The following SELP variants were observed in gnomAD, a reference collection of about 807,000 sequenced individuals.
SELP encodes selectin P.
SELP carries 92 observed loss-of-function variants against 104.1 expected under a neutral mutation model. The observed-to-expected ratio is 0.88, with a 90% confidence interval of 0.75 to 1.05. SELP has a LOEUF of 1.05. SELP is among the 50% of genes least tolerant of loss of function. The pLI is 0.00. For missense variants in SELP, 1,022 were observed against 1,017.3 expected (o/e 1.00, Z -0.06); for synonymous variants, 397 against 364.5 (o/e 1.09, Z -1.01).
In SELP at chr1:169,616,955, T is replaced by TCTCCG; in HGVS notation, c.481+72_481+73insCGGAG. 1.3e-5 allele frequency: 17 copies of TCTCCG among 1,349,864 alleles called. No homozygotes were observed. In the South Asian group the frequency reaches 1.4e-4, roughly 11 times the overall value. The allele number at this position is 1,349,864 out of a possible 1,614,324, so 83.6% of individuals were successfully genotyped here. A position where few individuals can be genotyped will look rare whatever the true frequency, so the allele number is the denominator to read the frequency against. On this transcript the variant is annotated intron_variant, in intron 3 of 16. Coordinates refer to ENST00000263686, the MANE Select transcript of SELP (RefSeq NM_003005.4). ...TTGTATCTTTGTGTTGACTCGGTGGTTATGTTGGCCAACCAGAGAAGGCAG... is the reference window on the plus strand; with the variant it reads ...TTGTATCTTTGTGTTGACTCGGTGGTCTCCGTATGTTGGCCAACCAGAGAAGGCAG...
chr1:169,594,972 G>T, intron 12 of SELP, 95 bp from the exon 13 acceptor site: 1 of 1,139,516 alleles, frequency 8.8e-7, no homozygotes, highest in Non-Finnish European at 1.2e-6. Flanking sequence ...CAATAAATGA[G>T]GCAGAATGTA....
At chr1:169,591,524 A>C (rs1661356407) in intron 14 of SELP, 68 bp from the exon 15 acceptor site, 2 of 1,168,080 alleles carry the variant, frequency 1.7e-6, no homozygotes, top group Non-Finnish European at 2.5e-6. Context: ...GAGGGTCATT[A>C]AGGATAGAAA....
intron 12 of SELP, 42 bp downstream of exon 12, chr1:169,595,883 C>T: frequency 6.3e-7 from 1 of 1,580,296 alleles, no homozygotes; most frequent in Non-Finnish European, 8.7e-7. Context: ...TGAGTACTTG[C>T]AGGAAGGCAG....
At chr1:169,613,963 G>A (rs1349030802) in intron 3 of SELP, among the ~76,000 whole-genome samples, 1 of 150,328 alleles carries the variant, frequency 6.7e-6, no homozygotes, top group Non-Finnish European at 1.5e-5. Flanking sequence ...GACAAATGGA[G>A]CCAATGACAG....
At position 169,607,034 on chromosome 1, in the gene SELP, G is replaced by A; in HGVS notation, c.1434C>T (p.Cys478=). The change falls in exon 9 of 17, where the codon TGC becomes TGT. Residue 478 remains cysteine, a synonymous_variant. Coordinates refer to ENST00000263686, the MANE Select transcript of SELP (RefSeq NM_003005.4). ...CTCCCACCAGGAGCAAGCCTTCATT[G>A]CAGGTGAAGCTGCAGACTGACTGGT... ...FRYQSVCSFT[C]NEGLLLVGAS... 1.2e-6 allele frequency: 2 copies of A among 1,613,758 alleles called. No homozygotes were observed. Among genetic ancestry groups the A allele is most frequent in the Non-Finnish European group, 8.5e-7 (1 of 1,179,728 alleles).
At position 169,613,029 on chromosome 1, in the gene SELP, C is replaced by T; in HGVS notation, c.675G>A (p.Gln225=). The T allele has an allele frequency of 6.2e-7, 1 of 1,613,912 alleles. No homozygotes were observed. Among genetic ancestry groups the T allele is most frequent in the Admixed American group, 1.7e-5 (1 of 60,012 alleles). ...HPLGNFSFNS[Q]CSFHCTDGYQ... ...ACCCGTCAGTGCAGTGGAAGCTGCACTGCGAGTTAAAAGAGAAGTTTCCCA... is the reference window on the plus strand; with the variant it reads ...ACCCGTCAGTGCAGTGGAAGCTGCATTGCGAGTTAAAAGAGAAGTTTCCCA... The change falls in exon 5 of 17, where the codon CAG becomes CAA. Residue 225 remains glutamine, a synonymous_variant. Transcript: ENST00000263686.
intron 14 of SELP, 99 bp from the exon 15 acceptor site, chr1:169,591,555 A>G: frequency 3.8e-6 from 3 of 779,750 alleles, no homozygotes; most frequent in Non-Finnish European, 4.1e-6. Flanking sequence ...AAACCAGTAG[A>G]CTGATTTTCA....
intron 10 of SELP, 80 bp from the exon 11 acceptor site, chr1:169,597,256 T>C (rs1571626468): frequency 3.1e-6 from 4 of 1,271,610 alleles, no homozygotes; most frequent in Middle Eastern, 2.8e-4. Flanking sequence ...TTCACTTATA[T>C]ATTCAAAAAA....
chr1:169,597,579 C>A (rs941558184), intron 10 of SELP, among the ~76,000 whole-genome samples: 2 of 152,178 alleles, frequency 1.3e-5, no homozygotes, highest in African/African-American at 4.8e-5. Context: ...CTACTTGCTC[C>A]CATATATCAT....
intron 8 of SELP, among the ~76,000 whole-genome samples, chr1:169,608,574 G>A (rs918325442): frequency 7.2e-5 from 11 of 152,172 alleles, no homozygotes; most frequent in Non-Finnish European, 1.5e-5. Context: ...ATATTCCACT[G>A]TAAGTATGTG....
chr1:169,612,099 A>C, intron 6 of SELP, 118 bp downstream of exon 6: 9 of 976,728 alleles, frequency 9.2e-6, no homozygotes, highest in African/African-American at 1.6e-5. Context: ...GCAGGTAGGA[A>C]GAGAATTAAA....
chr1:169,601,601 T>A, intron 10 of SELP, among the ~76,000 whole-genome samples: 1 of 152,018 alleles, frequency 6.6e-6, no homozygotes, highest in East Asian at 1.9e-4. Context: ...ATCTGTGGAG[T>A]GGAAAAGAGT....
chr1:169,592,905 C>T (rs1661417721), intron 14 of SELP, among the ~76,000 whole-genome samples: 1 of 152,186 alleles, frequency 6.6e-6, no homozygotes, highest in African/African-American at 2.4e-5. Flanking sequence ...ATTGATTTTA[C>T]ACTTTCATGT....
chr1:169,597,882 C>T lies in SELP; in HGVS notation c.1706-706G>A, dbSNP rs3917799. 7.5e-3 allele frequency among the ~76,000 whole-genome samples: 1,142 copies of T among 152,276 alleles called. 15 individuals carry two copies. The highest frequency in any genetic ancestry group is 0.025 in the African/African-American group (1,055 of 41,566). The stretch of plus-strand genomic sequence containing the variant: ...ATCCCACTAATCCTCCAGGATTTAA[C>T]TCGTAAAGTCTCTGAAGACTCTGCT... On this transcript the variant is annotated intron_variant, in intron 10 of 16. Transcript: ENST00000263686.
intron 3 of SELP, among the ~76,000 whole-genome samples, chr1:169,614,941 T>A (rs555998162): frequency 4.6e-5 from 7 of 152,316 alleles, no homozygotes; most frequent in African/African-American, 1.7e-4. Context: ...CTGCCTGCCC[T>A]ATGTTCTTGG....
In SELP at chr1:169,619,657, G is replaced by C. The variant is rs546307875; in HGVS notation, c.4-438C>G. On this transcript the variant is annotated intron_variant, in intron 1 of 16. Transcript: ENST00000263686. ...ACAAATAATGTCTAACCTATACTTT[G>C]AGGTGCAGAGCATCAACAAATTGTG... is the stretch of plus-strand genomic sequence containing the variant. Among the ~76,000 whole-genome samples the C allele has an allele frequency of 1.4e-3, 215 of 152,256 alleles. 1 individual carries two copies. Among genetic ancestry groups the C allele is most frequent in the African/African-American group, 4.9e-3 (203 of 41,536 alleles).
intron 14 of SELP, among the ~76,000 whole-genome samples, chr1:169,592,355 C>G (rs558313694): frequency 1.3e-5 from 2 of 152,156 alleles, no homozygotes; most frequent in Non-Finnish European, 1.5e-5. Context: ...CGTGGTTTTG[C>G]CTCTGAGCAG....
chr1:169,628,277 T>G (rs1485731372), intron 1 of SELP, among the ~76,000 whole-genome samples: 1 of 152,230 alleles, frequency 6.6e-6, no homozygotes, highest in Non-Finnish European at 1.5e-5. Context: ...GAGATCTATC[T>G]GATTGAAAAT....
intron 10 of SELP, among the ~76,000 whole-genome samples, chr1:169,597,775 T>A (rs1013443775): frequency 6.6e-6 from 1 of 152,238 alleles, no homozygotes; most frequent in African/African-American, 2.4e-5. Flanking sequence ...TTCTTGGAAT[T>A]CCCTGAAGTG....
Sources: gnomAD v4.1 joint callset for allele counts (sites outside exome capture counted in the v4.1 genomes callset) on GRCh38, gnomAD v4.1.1 for gene constraint, MANE v1.5 for transcripts, NCBI Gene and HGNC (gene_info 2026-07-23, HGNC 2026-07-21) for gene names.